Variants in PRPF18 observed in about 807,000 individuals in gnomAD.
PRPF18 encodes the protein pre-mRNA-splicing factor 18.
PRPF18 carries 38 observed loss-of-function variants against 46.5 expected under a neutral mutation model. The ratio of observed to expected loss-of-function variants is 0.82; its 90% confidence interval spans 0.63 to 1.07. The LOEUF (loss-of-function observed/expected upper bound fraction) is 1.07, where lower values mean the gene tolerates loss of function less well. Among genes scored for constraint, PRPF18 ranks in the 50% least tolerant of loss-of-function variants. The pLI, the probability that PRPF18 is intolerant of heterozygous loss-of-function variation, is 0.00. For synonymous variants in PRPF18, 152 were observed against 146.7 expected (o/e 1.04, Z -0.26); for missense variants, 263 against 410.0 (o/e 0.64, Z 3.10).
rs532267279 is a variant in PRPF18, at chr10:13,616,383, A to G, written c.793-15A>G. The G allele has an allele frequency of 1.9e-6, 3 of 1,596,332 alleles. No individual in the cohort carries two copies. The highest frequency in any genetic ancestry group is 2.6e-6 in the Non-Finnish European group (3 of 1,168,624). ...ATTTTCGCCTTTCTGATTTCTTCTTACACTTTCCTTTCAGGCAAATGATGC... is the reference window on the plus strand; with the variant it reads ...ATTTTCGCCTTTCTGATTTCTTCTTGCACTTTCCTTTCAGGCAAATGATGC... On this transcript the variant is annotated splice_polypyrimidine_tract_variant and intron_variant, in intron 8 of 9. Transcript: ENST00000378572.
At chr10:13,645,426 G>A in the PRPF18 span, 1 of 145,204 alleles carries the variant, frequency 6.9e-6, no homozygotes, top group Non-Finnish European at 1.5e-5. Flanking sequence ...ACCTTTTTGT[G>A]CCATCTTGAA....
At chr10:13,614,913 G>A (rs558567747) in intron 8 of PRPF18, among the ~76,000 whole-genome samples, 9 of 152,240 alleles carry the variant, frequency 5.9e-5, no homozygotes, top group African/African-American at 1.9e-4. Context: ...GTGCCAGAGC[G>A]GTAGGGAACT....
the PRPF18 span, chr10:13,648,173 G>C: frequency 6.6e-6 from 1 of 152,310 alleles, no homozygotes; most frequent in South Asian, 2.1e-4. Context: ...TATACTGGTG[G>C]ATTTTAATGA....
intron 9 of PRPF18, among the ~76,000 whole-genome samples, chr10:13,619,464 A>G (rs895926032): frequency 2.0e-5 from 3 of 152,260 alleles, no homozygotes; most frequent in Non-Finnish European, 4.4e-5. Context: ...GTCTGGAGGC[A>G]TAAAACATTG....
the PRPF18 span, chr10:13,640,275 C>T: frequency 1.6e-5 from 2 of 128,224 alleles, no homozygotes; most frequent in Non-Finnish European, 3.4e-5. Context: ...TTTTTGCCTC[C>T]TACCTCTTCA....
chr10:13,620,434 A>G (rs367782476), intron 9 of PRPF18, among the ~76,000 whole-genome samples: 76 of 152,380 alleles, frequency 5.0e-4, no homozygotes, highest in African/African-American at 1.7e-3. Flanking sequence ...AAATGCCTCA[A>G]TGCCTCAACA....
chr10:13,593,915 GA>G (rs1414705833), intron 1 of PRPF18, among the ~76,000 whole-genome samples: 1 of 152,144 alleles, frequency 6.6e-6, no homozygotes, highest in East Asian at 1.9e-4. Context: ...TAGACAATAG[GA>G]AAGAAAATGA....
chr10:13,632,320 A>G (rs534001984), downstream of PRPF18, among the ~76,000 whole-genome samples: 1 of 152,228 alleles, frequency 6.6e-6, no homozygotes, highest in African/African-American at 2.4e-5. Context: ...CAGCCTGGGC[A>G]ACAGAGTGAG....
the PRPF18 span, chr10:13,649,675 A>G: frequency 1.3e-5 from 2 of 152,226 alleles, no homozygotes; most frequent in African/African-American, 4.8e-5. Flanking sequence ...ATGTTGCTTC[A>G]TGTATTGGTC....
At chr10:13,597,344 A>C (rs554855303) in intron 1 of PRPF18, 114 bp from the exon 2 acceptor site, 4 of 696,576 alleles carry the variant, frequency 5.7e-6, no homozygotes, top group Non-Finnish European at 9.2e-6. Flanking sequence ...TATTTTATCC[A>C]ATTCTTGAAA....
chr10:13,647,521 A>G, the PRPF18 span: 1 of 152,056 alleles, frequency 6.6e-6, no homozygotes, highest in Non-Finnish European at 1.5e-5. Context: ...GGGCTAACAG[A>G]TGTCACTAGG....
chr10:13,638,302 T>C, the PRPF18 span, among the ~76,000 whole-genome samples: 1 of 150,400 alleles, frequency 6.6e-6, no homozygotes, highest in Admixed American at 6.6e-5. Context: ...GGCTTTTCTT[T>C]TTTTTTTTTT....
intron 1 of PRPF18, among the ~76,000 whole-genome samples, chr10:13,589,675 AGGACCC>A (rs1257851246): frequency 1.3e-5 from 2 of 152,240 alleles, no homozygotes; most frequent in African/African-American, 2.4e-5. Flanking sequence ...GAGGGTCTAC[AGGACCC>A]ATGGAAATCC....
chr10:13,614,402 T>C (rs2080311109), intron 8 of PRPF18, among the ~76,000 whole-genome samples: 1 of 152,214 alleles, frequency 6.6e-6, no homozygotes, highest in African/African-American at 2.4e-5. Context: ...GTTTTGTAAA[T>C]GGCTGATTAT....
In PRPF18 at chr10:13,586,970, T is replaced by C. The variant is rs1319880397; in HGVS notation, c.-117T>C. 1 of 1,059,546 alleles carries C rather than the reference T, an allele frequency of 9.4e-7. No homozygotes were observed. Among genetic ancestry groups the C allele is most frequent in the East Asian group, 2.4e-5 (1 of 42,146 alleles). The allele number at this position is 1,059,546 out of a possible 1,614,324, so 65.6% of individuals were successfully genotyped here. A position where few individuals can be genotyped will look rare whatever the true frequency, so the allele number is the denominator to read the frequency against. ...CGCCGGAAGCGGCTCCTGTCAGTTG[T>C]TCTCAGGTGTTTGGGCTTGTTGTTC... On this transcript the variant is annotated 5_prime_UTR_variant, in exon 1 of 10. Coordinates refer to ENST00000378572, the MANE Select transcript of PRPF18 (RefSeq NM_003675.4).
the PRPF18 span, chr10:13,651,413 G>GTAGA: frequency 6.5e-6 from 1 of 153,900 alleles, no homozygotes; most frequent in South Asian, 2.0e-4. Flanking sequence ...ATCTTTGAAT[G>GTAGA]TAGATAGAAC....
At chr10:13,607,777 C>T (rs1270622145) in intron 4 of PRPF18, among the ~76,000 whole-genome samples, 1 of 152,088 alleles carries the variant, frequency 6.6e-6, no homozygotes, top group Non-Finnish European at 1.5e-5. Context: ...TTTGCCTATC[C>T]CAAGATTTCA....
chr10:13,586,965 A>G lies in PRPF18; in HGVS notation c.-122A>G, dbSNP rs892149865. On this transcript the variant is annotated 5_prime_UTR_variant, in exon 1 of 10. Transcript: ENST00000378572. The stretch of plus-strand genomic sequence containing the variant: ...GCTTCCGCCGGAAGCGGCTCCTGTC[A>G]GTTGTTCTCAGGTGTTTGGGCTTGT... 1.1e-5 allele frequency: 11 copies of G among 1,012,800 alleles called. No individual in the cohort carries two copies. The highest frequency in any genetic ancestry group is 1.7e-5 in the Non-Finnish European group (11 of 642,672). 62.7% of individuals were successfully genotyped at this position (1,012,800 alleles called of 1,614,324 possible). A position where few individuals can be genotyped will look rare whatever the true frequency, so the allele number is the denominator to read the frequency against.
chr10:13,587,311 T>G (rs2079888724), intron 1 of PRPF18, 159 bp downstream of exon 1: 1 of 741,024 alleles, frequency 1.3e-6, no homozygotes, highest in Non-Finnish European at 2.3e-6. Flanking sequence ...GATCCAACCC[T>G]TGGCGTCTCA....
Sources: gnomAD v4.1 joint callset for allele counts (sites outside exome capture counted in the v4.1 genomes callset) on GRCh38, gnomAD v4.1.1 for gene constraint, MANE v1.5 for transcripts, NCBI Gene and HGNC (gene_info 2026-07-23, HGNC 2026-07-21) for gene names.